The following DYSF variants were observed in gnomAD, a reference collection of about 807,000 sequenced individuals.
The protein encoded by DYSF is dystrophy-associated fer-1-like 1.
DYSF carries 212 observed loss-of-function variants against 274.9 expected under a neutral mutation model. The observed-to-expected ratio is 0.77, with a 90% confidence interval of 0.69 to 0.86. The LOEUF (loss-of-function observed/expected upper bound fraction) is 0.86. Ranked by LOEUF, DYSF falls within the 40% of genes least tolerant of loss-of-function variation. The pLI, the probability that DYSF is intolerant of heterozygous loss-of-function variation, is 0.00. For missense variants in DYSF, 2,666 were observed against 2,783.2 expected, an observed-to-expected ratio of 0.96 and a Z score of 0.95; for synonymous variants, 1,091 against 1,078.7, an observed-to-expected ratio of 1.01 and a Z score of -0.22.
At chr2:71,598,507 C>A (rs1193229884) in intron 32 of DYSF, 57 bp from the exon 33 acceptor site, 1 of 1,602,278 alleles carries the variant, frequency 6.2e-7, no homozygotes, top group Non-Finnish European at 8.5e-7. Context: ...CTGGAGAAGA[C>A]ATCTCTCAGG....
At chr2:71,516,119 C>T in intron 8 of DYSF, 61 bp from the exon 9 acceptor site, 1 of 1,550,650 alleles carries the variant, frequency 6.4e-7, no homozygotes, top group Non-Finnish European at 8.9e-7. Flanking sequence ...GTGGTCCTCC[C>T]TCTCCCTGGC....
intron 22 of DYSF, among the ~76,000 whole-genome samples, chr2:71,559,328 ACTGCC>A (rs140465790): frequency 1.6e-3 from 248 of 152,190 alleles, no homozygotes; most frequent in African/African-American, 5.7e-3. Flanking sequence ...GCCAGCTCTG[ACTGCC>A]CTCCTCCTCT....
rs538661509 is a variant in DYSF, at chr2:71,567,825, G to C, written c.2566-126G>C. 3 of 1,395,676 alleles carry C rather than the reference G, an allele frequency of 2.1e-6. No homozygotes were observed. The African/African-American group carries it at 4.3e-5, about 20-fold the overall frequency. The allele number at this position is 1,395,676 out of a possible 1,614,324, so 86.5% of individuals were successfully genotyped here. A position where few individuals can be genotyped will look rare whatever the true frequency, so the allele number is the denominator to read the frequency against. ...CAATTCTGGTAAGCGCTCCCACAGG[G>C]GACACTCCCAGTGAGGGTGTCAGCC... is the stretch of plus-strand genomic sequence containing the variant. On this transcript the variant is annotated intron_variant, in intron 24 of 55. Coordinates refer to ENST00000410020, the MANE Select transcript of DYSF (RefSeq NM_001130987.2).
At chr2:71,659,200 G>A (rs576114026) in intron 44 of DYSF, among the ~76,000 whole-genome samples, 167 bp downstream of exon 44, 1 of 152,308 alleles carries the variant, frequency 6.6e-6, no homozygotes, top group East Asian at 1.9e-4. Flanking sequence ...AGGACCAAGT[G>A]CTCTAGAAGG....
chr2:71,474,630 C>T (rs1385158361), intron 1 of DYSF, among the ~76,000 whole-genome samples: 2 of 152,224 alleles, frequency 1.3e-5, no homozygotes, highest in East Asian at 1.9e-4. Flanking sequence ...CTTTCTTTCT[C>T]CTCTTTGGGG....
chr2:71,609,726 G>A (rs2152872099), intron 36 of DYSF, among the ~76,000 whole-genome samples: 1 of 152,316 alleles, frequency 6.6e-6, no homozygotes, highest in Admixed American at 6.5e-5. Context: ...TAGGTTGGGG[G>A]AAACATGGTG....
chr2:71,478,709 T>A (rs2082621153), intron 1 of DYSF, among the ~76,000 whole-genome samples: 1 of 152,100 alleles, frequency 6.6e-6, no homozygotes. Context: ...TTTATCGGAA[T>A]CTCTGCGGGA....
intron 36 of DYSF, among the ~76,000 whole-genome samples, chr2:71,608,467 T>G (rs1045610625): frequency 7.2e-5 from 11 of 152,220 alleles, no homozygotes; most frequent in Middle Eastern, 3.4e-3. Flanking sequence ...AGAGATGGCC[T>G]TGGGATGCAT....
intron 17 of DYSF, among the ~76,000 whole-genome samples, chr2:71,549,909 G>A (rs2090805262): frequency 6.6e-6 from 1 of 152,226 alleles, no homozygotes; most frequent in South Asian, 2.1e-4. Flanking sequence ...GGGTCTAGGA[G>A]ACAGAAGGTG....
chr2:71,618,373 A>AGAGGTGTG, intron 40 of DYSF, among the ~76,000 whole-genome samples: 1 of 2,054 alleles, frequency 4.9e-4, no homozygotes, highest in Non-Finnish European at 9.2e-4. Flanking sequence ...TAGAGGTGGC[A>AGAGGTGTG]TGTGTGGTAG....
chr2:71,664,984 C>T (rs753206002), intron 46 of DYSF, among the ~76,000 whole-genome samples, 178 bp from the exon 47 acceptor site: 6 of 152,198 alleles, frequency 3.9e-5, no homozygotes, highest in Non-Finnish European at 8.8e-5. Context: ...TCTGAGCCTC[C>T]ATTTCTCCAT....
chr2:71,530,582 TGC>T (rs1372521066), intron 14 of DYSF, among the ~76,000 whole-genome samples: 5 of 152,174 alleles, frequency 3.3e-5, no homozygotes, highest in African/African-American at 4.8e-5. Context: ...TGCAAGAAGC[TGC>T]GCCTCCCATT....
intron 1 of DYSF, among the ~76,000 whole-genome samples, chr2:71,475,881 A>G (rs12476352): frequency 0.33 from 50,036 of 151,892 alleles, 9,531 homozygotes; most frequent in Non-Finnish European, 0.43. Flanking sequence ...CAACCCTCCC[A>G]CCTCAGCATC....
Position 71,615,327 on chromosome 2 carries a change from G to A in DYSF, c.4464+1917G>A, listed in dbSNP as rs1453537170. Among the ~76,000 whole-genome samples, 1 of 152,144 alleles carries A rather than the reference G, an allele frequency of 6.6e-6. No individual in the cohort carries two copies. The highest frequency in any genetic ancestry group is 1.9e-4 in the East Asian group (1 of 5,158). ...GAGCTGGGATGGGGCTCCTGGAGGT[G>A]TACCCACCTGGGGAGGGGCTGGGCC... On this transcript the variant is annotated intron_variant, in intron 40 of 55. Transcript: ENST00000410020. The surrounding 1 kb of genome is among the most constrained non-coding windows in gnomAD (Gnocchi z 4.9).
chr2:71,509,413 C>T (rs2085847088), intron 4 of DYSF, among the ~76,000 whole-genome samples: 1 of 152,166 alleles, frequency 6.6e-6, no homozygotes, highest in African/African-American at 2.4e-5. Context: ...CCTCCTGTCT[C>T]AGCCTCCCAA....
chr2:71,647,728 A>G (rs898659681), intron 42 of DYSF, among the ~76,000 whole-genome samples: 2 of 152,260 alleles, frequency 1.3e-5, no homozygotes, highest in Non-Finnish European at 1.5e-5. Context: ...ATACTTTCTA[A>G]TGGAAGAATG....
At chr2:71,479,464 G>A (rs148551278) in intron 1 of DYSF, among the ~76,000 whole-genome samples, 2 of 152,206 alleles carry the variant, frequency 1.3e-5, no homozygotes, top group East Asian at 1.9e-4. Flanking sequence ...TCCTTGTTTT[G>A]TGGATCATCC....
chr2:71,571,470 GCACACA>G (rs1325848814), intron 29 of DYSF, among the ~76,000 whole-genome samples: 1 of 102,466 alleles, frequency 9.8e-6, no homozygotes, highest in African/African-American at 4.0e-5. Context: ...ATCACACCCA[GCACACA>G]CACATCACAC....
At position 71,667,534 on chromosome 2, in the gene DYSF, G is replaced by A. The variant is rs1401458709; in HGVS notation, c.5457+19G>A. 1.9e-6 allele frequency: 3 copies of A among 1,613,858 alleles called. No individual in the cohort carries two copies. Among genetic ancestry groups the A allele is most frequent in the Admixed American group, 1.7e-5 (1 of 59,996 alleles). ...CGAGCAGGTAGGACCTTGACCCTTG[G>A]GTCCCAGAGTCCTCGAACTCCAGAA... On this transcript the variant is annotated intron_variant, in intron 48 of 55. Coordinates refer to ENST00000410020, the MANE Select transcript of DYSF (RefSeq NM_001130987.2).
Sources: gnomAD v4.1 joint callset for allele counts (sites outside exome capture counted in the v4.1 genomes callset) on GRCh38, gnomAD v4.1.1 for gene constraint, Gnocchi (gnomAD v3.1) non-coding constraint, MANE v1.5 for transcripts, NCBI Gene and HGNC (gene_info 2026-07-23, HGNC 2026-07-21) for gene names.